Variants in USP43 observed in about 807,000 individuals in gnomAD.
The protein encoded by USP43 is ubiquitin specific peptidase 43, also known as ubiquitin carboxyl-terminal hydrolase 43.
Under a neutral mutation model 90.7 loss-of-function variants are expected in USP43, and 33 were observed. That is an observed-to-expected ratio of 0.36 (90% CI 0.28 to 0.49). USP43 has a LOEUF of 0.49. USP43 is among the 20% of genes least tolerant of loss of function. USP43 has a pLI of 0.98. For missense variants in USP43, 1,274 were observed against 1,476.4 expected (o/e 0.86, Z 2.25); for synonymous variants, 598 against 615.8 (o/e 0.97, Z 0.43).
chr17:9,648,938 C>CCTCTCTTTCTCTCTCTCTCTCT lies in USP43; in HGVS notation c.504+2808_504+2809insTTCTCTCTCTCTCTCTCTCTCT, dbSNP rs1458953870. On this transcript the variant is annotated intron_variant, in intron 1 of 14. Coordinates refer to ENST00000285199, the MANE Select transcript of USP43 (RefSeq NM_153210.5). ...CTCTCCCACTCTTTCTGTCTCTCTC[C>CCTCTCTTTCTCTCTCTCTCTCT]CTCTCTCTCTCTCTCTCTCTCCCTC... 2.2e-3 allele frequency among the ~76,000 whole-genome samples: 283 copies of CCTCTCTTTCTCTCTCTCTCTCT among 129,882 alleles called. 1 individual carries two copies. Among genetic ancestry groups the CCTCTCTTTCTCTCTCTCTCTCT allele is most frequent in the African/African-American group, 8.6e-3 (272 of 31,618 alleles). The allele number at this position is 129,882 out of a possible 152,430, so 85.2% of individuals were successfully genotyped here. A position where few individuals can be genotyped will look rare whatever the true frequency, so the allele number is the denominator to read the frequency against.
At chr17:9,652,212 CAAAAAAA>C (rs769295315) in intron 1 of USP43, among the ~76,000 whole-genome samples, 1 of 42,744 alleles carries the variant, frequency 2.3e-5, no homozygotes, top group Non-Finnish European at 4.8e-5. Context: ...GCCCTTAGCG[CAAAAAAA>C]AAAAAAAAAA....
At chr17:9,703,962 T>C (rs970703646) in intron 12 of USP43, among the ~76,000 whole-genome samples, 1 of 152,156 alleles carries the variant, frequency 6.6e-6, no homozygotes, top group African/African-American at 2.4e-5. Context: ...TTTGGAGTGC[T>C]TACGTGTCAG....
chr17:9,677,461 A>C (rs1231244189), intron 5 of USP43, among the ~76,000 whole-genome samples: 1 of 152,248 alleles, frequency 6.6e-6, no homozygotes, highest in East Asian at 1.9e-4. Context: ...CTGAGGATGT[A>C]TAACATGAGA....
intron 3 of USP43, among the ~76,000 whole-genome samples, chr17:9,671,475 G>A (rs143571281): frequency 6.6e-6 from 1 of 152,292 alleles, no homozygotes; most frequent in African/African-American, 2.4e-5. Flanking sequence ...AGTGGACTGG[G>A]TTTGAGGTGA....
In USP43 at chr17:9,666,854, A is replaced by G; in HGVS notation, c.740+103A>G. On this transcript the variant is annotated intron_variant, in intron 3 of 14. Transcript: ENST00000285199. ...CAGATTTACCCTGAGATTTCAAAAC[A>G]ACAAAACCACAAACACCCTTCTCTC... The G allele has an allele frequency of 6.7e-6, 6 of 890,604 alleles. No individual in the cohort carries two copies. The South Asian group carries it at 8.7e-5, about 13-fold the overall frequency. 55.2% of individuals were successfully genotyped at this position (890,604 alleles called of 1,614,324 possible).
intron 12 of USP43, among the ~76,000 whole-genome samples, chr17:9,706,923 G>A (rs550397457): frequency 2.0e-5 from 3 of 152,064 alleles, no homozygotes; most frequent in Admixed American, 6.6e-5. Flanking sequence ...GATTACAGGC[G>A]TGAGTCTCCG....
intron 3 of USP43, among the ~76,000 whole-genome samples, chr17:9,672,275 C>T (rs968451510): frequency 1.1e-4 from 17 of 152,170 alleles, no homozygotes; most frequent in Non-Finnish European, 1.5e-5. Context: ...GAATTACAGG[C>T]GTGAACCACT....
chr17:9,710,927 T>TA (rs34777094), intron 13 of USP43, among the ~76,000 whole-genome samples: 29 of 148,330 alleles, frequency 2.0e-4, no homozygotes, highest in Middle Eastern at 3.5e-3. Context: ...AAGAGAGCAT[T>TA]AAAAAAAAAA....
chr17:9,645,745 G>T lies in USP43; in HGVS notation c.113G>T (p.Arg38Leu). The T allele has an allele frequency of 7.2e-7, 1 of 1,381,486 alleles. No individual in the cohort carries two copies. The highest frequency in any genetic ancestry group is 1.7e-5 in the South Asian group (1 of 60,170). The allele number at this position is 1,381,486 out of a possible 1,614,324, so 85.6% of individuals were successfully genotyped here. ...FSRFLLALGS[R>L]SRPGDSPPRP... The stretch of plus-strand genomic sequence containing the variant: ...CGCTTCCTGCTGGCGCTGGGCAGCC[G>T]CTCACGCCCCGGGGACTCACCGCCC... Residue 38 changes from arginine (R) to leucine (L), a missense_variant, in exon 1 of 15, where the codon CGC (arginine) becomes CTC (leucine). Physicochemically the swap from Arg to Leu is moderately radical, Grantham distance 102 (BLOSUM62 -2). Around this residue, in one of 6 missense-constraint regions of USP43, gnomAD observed 112 missense variants for 106.6 expected, o/e 1.05. Transcript: ENST00000285199. This position sits in a 1 kb window ranked among gnomAD's most constrained non-coding sequence, Gnocchi z 6.8.
chr17:9,661,546 C>G (rs1016359219), intron 2 of USP43, among the ~76,000 whole-genome samples: 4 of 151,986 alleles, frequency 2.6e-5, no homozygotes, highest in African/African-American at 9.7e-5. Flanking sequence ...TTTGTGGATA[C>G]AAGGTCTCAC....
rs767313574 is a variant in USP43 at position 9,701,288 on chromosome 17, G to A, written c.1662+43G>A. 1.3e-6 allele frequency: 2 copies of A among 1,593,784 alleles called. No homozygotes were observed. The highest frequency in any genetic ancestry group is 1.7e-5 in the Admixed American group (1 of 57,608). On this transcript the variant is annotated intron_variant, in intron 11 of 14. Coordinates refer to ENST00000285199, the MANE Select transcript of USP43 (RefSeq NM_153210.5). This position sits in a 1 kb window ranked among gnomAD's most constrained non-coding sequence, Gnocchi z 7.2. The stretch of plus-strand genomic sequence containing the variant: ...CATGCCCCGGCCGGGAAGGGGGCTG[G>A]CTGCCTTTGGTGGGTTGGCCACGTG...
At position 9,698,981 on chromosome 17, in the gene USP43, C is replaced by T. The variant is rs1915419514; in HGVS notation, c.1458-1191C>T. On this transcript the variant is annotated intron_variant, in intron 9 of 14. Coordinates refer to ENST00000285199, the MANE Select transcript of USP43 (RefSeq NM_153210.5). ...TTGTGGAAATGGAGAATTTGGGGGA[C>T]CTAAAGAAAGAAGCTTAGATCTAGG... is the stretch of plus-strand genomic sequence containing the variant. Among the ~76,000 whole-genome samples the T allele has an allele frequency of 2.0e-5, 3 of 152,154 alleles. No homozygotes were observed. The South Asian group carries it at 6.2e-4, about 32-fold the overall frequency.
At chr17:9,722,949 T>C (rs7224353) in intron 14 of USP43, among the ~76,000 whole-genome samples, 8,388 of 152,246 alleles carry the variant, frequency 0.055, 357 homozygotes, top group East Asian at 0.21. Context: ...CAGTGTCCAC[T>C]GTGCACCACT....
In USP43 at chr17:9,674,856, G is replaced by C. The variant is rs1913662367; in HGVS notation, c.741-35G>C. Reference sequence around the variant, plus strand: ...TTTTACCCCCAAATTGTTTACGTGTGATTAAACGTTCGCCTCTGTTCTTCA... The same window carrying C: ...TTTTACCCCCAAATTGTTTACGTGTCATTAAACGTTCGCCTCTGTTCTTCA... On this transcript the variant is annotated intron_variant, in intron 3 of 14. Coordinates refer to ENST00000285199, the MANE Select transcript of USP43 (RefSeq NM_153210.5). This position sits in a 1 kb window ranked among gnomAD's most constrained non-coding sequence, Gnocchi z 4.4. 6.4e-7 allele frequency: 1 copy of C among 1,570,020 alleles called. No homozygotes were observed. Among genetic ancestry groups the C allele is most frequent in the East Asian group, 2.2e-5 (1 of 44,658 alleles).
chr17:9,681,110 A>C (rs796855989), intron 6 of USP43, among the ~76,000 whole-genome samples: 1 of 62,114 alleles, frequency 1.6e-5, no homozygotes, highest in Non-Finnish European at 2.6e-5. Context: ...ATACTATATA[A>C]TATATACTAT....
At position 9,728,307 on chromosome 17, in the gene USP43, C is replaced by T. The variant is rs1356290117; in HGVS notation, c.2689C>T (p.Pro897Ser). 3 of 1,612,896 alleles carry T rather than the reference C, an allele frequency of 1.9e-6. No homozygotes were observed. The highest frequency in any genetic ancestry group is 1.1e-5 in the South Asian group (1 of 90,830). Residue 897 changes from proline to serine, a missense_variant, in exon 15 of 15, where the codon CCC becomes TCC. Around this residue, in one of 6 missense-constraint regions of USP43, gnomAD observed 353 missense variants for 329.7 expected, o/e 1.07. Coordinates refer to ENST00000285199, the MANE Select transcript of USP43 (RefSeq NM_153210.5). This position sits in a 1 kb window ranked among gnomAD's most constrained non-coding sequence, Gnocchi z 6.2. ...CGGGGTGCCCTGTCCCTCGGCTCAA[C>T]CCAACCACTGTCTGGCCCCTGGAAA... ...PAGVPCPSAQ[P>S]NHCLAPGNSD...
intron 14 of USP43, among the ~76,000 whole-genome samples, chr17:9,713,433 C>T (rs543743782): frequency 2.8e-4 from 42 of 152,218 alleles, no homozygotes; most frequent in Admixed American, 5.9e-4. Context: ...CCCCCATTCC[C>T]GGCCTCTGGC....
At chr17:9,704,776 C>T (rs1915782921) in intron 12 of USP43, among the ~76,000 whole-genome samples, 1 of 150,106 alleles carries the variant, frequency 6.7e-6, no homozygotes, top group Non-Finnish European at 1.5e-5. Flanking sequence ...CTCCCCCAGG[C>T]ACTCTGTGTT....
chr17:9,681,167 TA>T (rs1343889317), intron 6 of USP43, among the ~76,000 whole-genome samples: 4 of 60,176 alleles, frequency 6.6e-5, no homozygotes, highest in Non-Finnish European at 7.6e-5. Flanking sequence ...TACTATATAA[TA>T]TATACTATAT....
Sources: gnomAD v4.1 joint callset for allele counts (sites outside exome capture counted in the v4.1 genomes callset) on GRCh38, gnomAD v4.1.1 for gene constraint, gnomAD v4.1.1 regional missense constraint, Gnocchi (gnomAD v3.1) non-coding constraint, MANE v1.5 for transcripts, NCBI Gene and HGNC (gene_info 2026-07-23, HGNC 2026-07-21) for gene names.